Variants in GPLD1 observed in about 807,000 individuals in gnomAD.
GPLD1 encodes glycosylphosphatidylinositol specific phospholipase D1.
In GPLD1, 84 loss-of-function variants were observed where a neutral mutation model predicts 112.6. The observed-to-expected ratio is 0.75, with a 90% confidence interval of 0.63 to 0.89. The LOEUF (loss-of-function observed/expected upper bound fraction) is 0.89. Among genes scored for constraint, GPLD1 ranks in the 40% least tolerant of loss-of-function variants. The pLI, the probability that GPLD1 is intolerant of heterozygous loss-of-function variation, is 0.00. For synonymous variants in GPLD1, 386 were observed against 403.8 expected (o/e 0.96, Z 0.53); for missense variants, 1,044 against 1,051.5 (o/e 0.99, Z 0.10).
chr6:24,473,720 C>T, intron 5 of GPLD1, 53 bp from the exon 6 acceptor site: 1 of 1,216,216 alleles, frequency 8.2e-7, no homozygotes, highest in South Asian at 1.3e-5. Flanking sequence ...AGCCCCAACT[C>T]TTACTTCCAC....
chr6:24,445,083 A>T (rs1182173998), intron 20 of GPLD1, among the ~76,000 whole-genome samples: 1 of 152,042 alleles, frequency 6.6e-6, no homozygotes, highest in Non-Finnish European at 1.5e-5. Context: ...GCTGGAGTGC[A>T]GTGGCATGAT....
chr6:24,465,400 G>A (rs1763572386), intron 10 of GPLD1, among the ~76,000 whole-genome samples: 1 of 151,154 alleles, frequency 6.6e-6, no homozygotes, highest in Admixed American at 6.6e-5. Flanking sequence ...CAATTAGCCT[G>A]GTGCAGTGGT....
In GPLD1 at chr6:24,450,790, G is replaced by A. The variant is rs192442281; in HGVS notation, c.1336-891C>T. Reference sequence around the variant, plus strand: ...AGTTTGAGACCAGCCTGGCCAACATGGCCAAACCTCATGTCTACTAAAAAT... The same window carrying A: ...AGTTTGAGACCAGCCTGGCCAACATAGCCAAACCTCATGTCTACTAAAAAT... On this transcript the variant is annotated intron_variant, in intron 14 of 24. Coordinates refer to ENST00000230036, the MANE Select transcript of GPLD1 (RefSeq NM_001503.4). 2.0e-5 allele frequency among the ~76,000 whole-genome samples: 3 copies of A among 152,226 alleles called. No individual in the cohort carries two copies. The East Asian group carries it at 5.8e-4, about 30-fold the overall frequency.
rs1139473 is a variant in GPLD1 at position 24,437,285 on chromosome 6, G to A, written c.2025C>T (p.Asp675=). ...CGGTCAGGAATGCCACCTTAGACAC[G>A]TCATCTGAAACGAACCACAGTTCCT... ...VLLVGAPTYD[D]VSKVAFLTVT... The change falls in exon 21 of 25, where the codon GAC becomes GAT. Residue 675 remains aspartate (D), a synonymous_variant. Transcript: ENST00000230036. The A allele has an allele frequency of 6.0e-4, 966 of 1,613,128 alleles. 1 individual carries two copies. The highest frequency in any genetic ancestry group is 9.7e-4 in the Admixed American group (58 of 59,990).
rs191014727 is a variant in GPLD1 at position 24,438,204 on chromosome 6, G to C, written c.2021-915C>G. On this transcript the variant is annotated intron_variant, in intron 20 of 24. Coordinates refer to ENST00000230036, the MANE Select transcript of GPLD1 (RefSeq NM_001503.4). The stretch of plus-strand genomic sequence containing the variant: ...CCACAAGAAATGCGGTCACGTCTCT[G>C]TCTCTCTATCCACTGTACCTAGCAT... Among the ~76,000 whole-genome samples the C allele has an allele frequency of 2.6e-5, 4 of 152,318 alleles. No homozygotes were observed. The East Asian group carries it at 7.7e-4, about 29-fold the overall frequency.
intron 1 of GPLD1, among the ~76,000 whole-genome samples, chr6:24,486,376 T>C (rs902607885): frequency 2.6e-5 from 4 of 152,240 alleles, no homozygotes; most frequent in African/African-American, 9.6e-5. Flanking sequence ...TAAATAACTC[T>C]ATGAGCTTTA....
chr6:24,486,786 C>T (rs990512398), intron 1 of GPLD1, among the ~76,000 whole-genome samples: 3 of 150,666 alleles, frequency 2.0e-5, no homozygotes, highest in African/African-American at 7.4e-5. Context: ...CCACTGCACT[C>T]CAGCCTGGGC....
At position 24,479,892 on chromosome 6, in the gene GPLD1, A is replaced by C; in HGVS notation, c.221T>G (p.Ile74Ser). The C allele has an allele frequency of 6.2e-7, 1 of 1,601,350 alleles. No homozygotes were observed. Among genetic ancestry groups the C allele is most frequent in the Non-Finnish European group, 8.6e-7 (1 of 1,168,358 alleles). ...IVFPDCFYPS[I>S]CKGGKFHDVS... is the part of the protein sequence containing the mutation. Reference sequence around the variant, plus strand: ...AACTTTCATCTTACCTCCTTTGCAGATGCTAGGGTAAAAACAATCAGGAAA... The same window carrying C: ...AACTTTCATCTTACCTCCTTTGCAGCTGCTAGGGTAAAAACAATCAGGAAA... Residue 74 changes from isoleucine to serine, a missense_variant, in exon 3 of 25, where the codon ATC becomes AGC. Physicochemically the swap from Ile to Ser is moderately radical, Grantham distance 142. Coordinates refer to ENST00000230036, the MANE Select transcript of GPLD1 (RefSeq NM_001503.4).
rs774210507 is a variant in GPLD1, at chr6:24,456,578, A to C, written c.1068T>G (p.Gly356=). The C allele has an allele frequency of 6.2e-7, 1 of 1,601,532 alleles. No homozygotes were observed. Among genetic ancestry groups the C allele is most frequent in the Non-Finnish European group, 8.6e-7 (1 of 1,168,586 alleles). ...LERNIRTMFI[G]GSQLSQKHVS... is the part of the protein sequence containing the mutation. ...CGTGCTTTTGTGACAACTGAGAGCCACCTATGAACATTGTCCTTATGTTCC... is the reference window on the plus strand; with the variant it reads ...CGTGCTTTTGTGACAACTGAGAGCCCCCTATGAACATTGTCCTTATGTTCC... The change falls in exon 13 of 25, where the codon GGT becomes GGG. Residue 356 remains glycine, a synonymous_variant. Coordinates refer to ENST00000230036, the MANE Select transcript of GPLD1 (RefSeq NM_001503.4).
At chr6:24,475,338 CAAA>C in intron 4 of GPLD1, 107 bp from the exon 5 acceptor site, 1 of 641,914 alleles carries the variant, frequency 1.6e-6, no homozygotes, top group Non-Finnish European at 2.6e-6. Context: ...TGAGACCTAA[CAAA>C]AAATTTCAGG....
intron 20 of GPLD1, among the ~76,000 whole-genome samples, chr6:24,444,770 G>T (rs1048174971): frequency 6.6e-5 from 10 of 151,974 alleles, no homozygotes; most frequent in African/African-American, 2.4e-4. Context: ...GGTTCACTTT[G>T]CCCAGGAGGT....
intron 10 of GPLD1, among the ~76,000 whole-genome samples, chr6:24,464,193 A>C (rs898601528): frequency 3.9e-5 from 6 of 152,290 alleles, no homozygotes; most frequent in Middle Eastern, 3.4e-3. Context: ...TGCTTACTCT[A>C]TTCTAAACCC....
In GPLD1 at chr6:24,449,890, G is replaced by T. The variant is rs61733858; in HGVS notation, c.1345C>A (p.Arg449=). Residue 449 remains arginine (R), a synonymous_variant, in exon 15 of 25, where the codon CGG becomes AGG. Coordinates refer to ENST00000230036, the MANE Select transcript of GPLD1 (RefSeq NM_001503.4). ...RILEGFQPSG[R]FGSALAVLDF... Reference sequence around the variant, plus strand: ...AACACAGCCAAGGCCGAGCCAAACCGACCTGAGGGCTGAAGAGGCACAAGT... The same window carrying T: ...AACACAGCCAAGGCCGAGCCAAACCTACCTGAGGGCTGAAGAGGCACAAGT... 1.2e-6 allele frequency: 2 copies of T among 1,612,592 alleles called. No homozygotes were observed. Among genetic ancestry groups the T allele is most frequent in the Non-Finnish European group, 1.7e-6 (2 of 1,178,838 alleles).
At chr6:24,475,882 CCACACA>C (rs66807337) in intron 4 of GPLD1, among the ~76,000 whole-genome samples, 1 of 150,942 alleles carries the variant, frequency 6.6e-6, no homozygotes, top group Admixed American at 6.6e-5. Context: ...AGAAACAAAA[CCACACA>C]CACACACACA....
intron 3 of GPLD1, among the ~76,000 whole-genome samples, chr6:24,476,638 T>C (rs193255875): frequency 4.4e-4 from 67 of 152,324 alleles, no homozygotes; most frequent in African/African-American, 1.6e-3. Flanking sequence ...TGTTTATTTG[T>C]TGGGATTTTA....
rs181512654 is a variant in GPLD1 at position 24,461,000 on chromosome 6, C to T, written c.888-601G>A. Among the ~76,000 whole-genome samples, 963 of 152,228 alleles carry T rather than the reference C, an allele frequency of 6.3e-3. 6 individuals are homozygous for T. The highest frequency in any genetic ancestry group is 0.02 in the Middle Eastern group (6 of 294). ...TCAGGTGATCCACCTGCCTCGGTCT[C>T]CCAAAGTGCTGGAATTACAGGTGTG... On this transcript the variant is annotated intron_variant, in intron 11 of 24. Coordinates refer to ENST00000230036, the MANE Select transcript of GPLD1 (RefSeq NM_001503.4).
chr6:24,440,570 T>TA (rs1361074865), intron 20 of GPLD1, among the ~76,000 whole-genome samples: 1 of 61,394 alleles, frequency 1.6e-5, no homozygotes, highest in Non-Finnish European at 3.6e-5. Flanking sequence ...ATCAAAAGTG[T>TA]AAAAAATACT....
intron 13 of GPLD1, among the ~76,000 whole-genome samples, chr6:24,454,806 G>T (rs1405714037): frequency 6.6e-6 from 1 of 152,228 alleles, no homozygotes; most frequent in Non-Finnish European, 1.5e-5. Context: ...AAAGTCATTT[G>T]TTTATTCTAG....
downstream of GPLD1, chr6:24,424,770 T>C (rs1257831479): frequency 3.9e-5 from 6 of 152,166 alleles, no homozygotes; most frequent in African/African-American, 9.7e-5. Context: ...AATGTAATAA[T>C]AACAGAATAA....
Sources: gnomAD v4.1 joint callset for allele counts (sites outside exome capture counted in the v4.1 genomes callset) on GRCh38, gnomAD v4.1.1 for gene constraint, MANE v1.5 for transcripts, NCBI Gene and HGNC (gene_info 2026-07-23, HGNC 2026-07-21) for gene names.